The following CFAP46 variants were observed in gnomAD, a reference collection of about 807,000 sequenced individuals.
The protein encoded by CFAP46 is cilia- and flagella-associated protein 46.
Under a neutral mutation model 325.7 loss-of-function variants are expected in CFAP46, and 245 were observed. The ratio of observed to expected loss-of-function variants is 0.75; its 90% CI spans 0.68 to 0.84. The LOEUF (loss-of-function observed/expected upper bound fraction) is 0.84. Among genes scored for constraint, CFAP46 ranks in the 40% least tolerant of loss-of-function variants. CFAP46 has a pLI of 0.00. For missense variants in CFAP46, 3,346 were observed against 3,543.0 expected, an observed-to-expected ratio of 0.94 and a Z score of 1.41; for synonymous variants, 1,523 against 1,495.9, an observed-to-expected ratio of 1.02 and a Z score of -0.42.
At position 132,892,465 on chromosome 10, in the gene CFAP46, A is replaced by G. The variant is rs1387553874; in HGVS notation, c.3220-48T>C. The G allele has an allele frequency of 8.6e-6, 13 of 1,516,378 alleles. No individual in the cohort carries two copies. The African/African-American group carries it at 1.5e-4, about 18-fold the overall frequency. 93.9% of individuals were successfully genotyped at this position (1,516,378 alleles called of 1,614,324 possible). The stretch of plus-strand genomic sequence containing the variant: ...CACGTATATTTGAAAGTTGCAAGAC[A>G]GTCTTTCACCATGAGATAAGAAACT... On this transcript the variant is annotated intron_variant, in intron 24 of 57. Coordinates refer to ENST00000368586, the MANE Select transcript of CFAP46 (RefSeq NM_001200049.3).
At chr10:132,872,615 A>T in intron 32 of CFAP46, 61 bp downstream of exon 32, 1 of 1,530,688 alleles carries the variant, frequency 6.5e-7, no homozygotes. Context: ...ATACCTTAAC[A>T]TGTTGTTTAT....
Position 132,939,964 on chromosome 10 carries a change from C to T in CFAP46, c.371+1032G>A, listed in dbSNP as rs1226368991. The stretch of plus-strand genomic sequence containing the variant: ...AAGATGGTCCTGACCTCTGGCAAGG[C>T]TCTGTCACCCCCTGACCCGTCCACA... On this transcript the variant is annotated intron_variant, in intron 4 of 57. Coordinates refer to ENST00000368586, the MANE Select transcript of CFAP46 (RefSeq NM_001200049.3). This position sits in a 1 kb window ranked among gnomAD's most constrained non-coding sequence, Gnocchi z 4.6. Among the ~76,000 whole-genome samples, 1 of 152,202 alleles carries T rather than the reference C, an allele frequency of 6.6e-6. No individual in the cohort carries two copies. Among genetic ancestry groups the T allele is most frequent in the Non-Finnish European group, 1.5e-5 (1 of 68,036 alleles).
rs1003605547 is a variant in CFAP46 at position 132,877,762 on chromosome 10, C to T, written c.4212+119G>A. On this transcript the variant is annotated intron_variant, in intron 30 of 57. Coordinates refer to ENST00000368586, the MANE Select transcript of CFAP46 (RefSeq NM_001200049.3). This position sits in a 1 kb window ranked among gnomAD's most constrained non-coding sequence, Gnocchi z 5.7. The stretch of plus-strand genomic sequence containing the variant: ...AGGGAAACTGAGGCACAGGCCATCC[C>T]GGGCCCGGCCTCTGCACTGAGGCCG... 13 of 1,041,184 alleles carry T rather than the reference C, an allele frequency of 1.2e-5. No homozygotes were observed. The highest frequency in any genetic ancestry group is 3.2e-4 in the Middle Eastern group (1 of 3,170). The allele number at this position is 1,041,184 out of a possible 1,614,324, so 64.5% of individuals were successfully genotyped here.
Position 132,909,955 on chromosome 10 carries a change from C to A in CFAP46, c.2613G>T (p.Gln871His). 1 of 1,528,460 alleles carries A rather than the reference C, an allele frequency of 6.5e-7. No individual in the cohort carries two copies. The highest frequency in any genetic ancestry group is 1.2e-5 in the South Asian group (1 of 82,244). 94.7% of individuals were successfully genotyped at this position (1,528,460 alleles called of 1,614,324 possible). The change falls in exon 20 of 58, where the codon CAG becomes CAT. Residue 871 changes from glutamine (Q) to histidine (H), a missense_variant. Coordinates refer to ENST00000368586, the MANE Select transcript of CFAP46 (RefSeq NM_001200049.3). ...TGCCCAGCCGTGGCCCAATCTGCTG[C>A]TGCAGCAGCTGCTTGGCCTTGACCC... Reference protein sequence around the residue: ...ATWVKAKQLLQQQIGPRLGTE... With the variant: ...ATWVKAKQLLHQQIGPRLGTE...
intron 10 of CFAP46, among the ~76,000 whole-genome samples, chr10:132,925,891 G>A (rs1385281301): frequency 6.6e-6 from 1 of 152,216 alleles, no homozygotes; most frequent in African/African-American, 2.4e-5. Flanking sequence ...GTACCCAGCG[G>A]AGCCTCGCAC....
chr10:132,928,727 T>C (rs1849847231), intron 9 of CFAP46, among the ~76,000 whole-genome samples: 1 of 152,216 alleles, frequency 6.6e-6, no homozygotes, highest in Non-Finnish European at 1.5e-5. Context: ...CTTCACTCTC[T>C]GTGTGTAAAG....
chr10:132,930,625 C>T (rs1320812916), intron 8 of CFAP46, among the ~76,000 whole-genome samples: 9 of 95,000 alleles, frequency 9.5e-5, no homozygotes, highest in East Asian at 4.0e-4. Flanking sequence ...GCCTGGGCCT[C>T]CCTCCTCTCC....
At chr10:132,816,897 C>T (rs1046372929) in intron 50 of CFAP46, among the ~76,000 whole-genome samples, 2 of 152,196 alleles carry the variant, frequency 1.3e-5, no homozygotes, top group Admixed American at 6.5e-5. Flanking sequence ...GCCTCAGATG[C>T]GGGCCGTCTG....
Position 132,913,160 on chromosome 10 carries a change from G to T in CFAP46, c.2219C>A (p.Ala740Asp). Residue 740 changes from alanine to aspartate, a missense_variant, in exon 18 of 58, where the codon GCC becomes GAC. Physicochemically the swap from Ala to Asp is moderately radical, Grantham distance 126. Coordinates refer to ENST00000368586, the MANE Select transcript of CFAP46 (RefSeq NM_001200049.3). The part of the protein sequence containing the change: ...EIQEAWIVQN[A>D]VVYVLNHNHH... Reference sequence around the variant, plus strand: ...GTTGTGGTTCAGGACGTAGACCACGGCGTTCTGCACAATCCACGCCTCCTG... The same window carrying T: ...GTTGTGGTTCAGGACGTAGACCACGTCGTTCTGCACAATCCACGCCTCCTG... 1 of 1,550,458 alleles carries T rather than the reference G, an allele frequency of 6.4e-7. No homozygotes were observed. Among genetic ancestry groups the T allele is most frequent in the Non-Finnish European group, 8.7e-7 (1 of 1,147,002 alleles).
intron 50 of CFAP46, among the ~76,000 whole-genome samples, chr10:132,831,392 T>C (rs192175230): frequency 8.6e-4 from 131 of 152,280 alleles, no homozygotes; most frequent in South Asian, 6.4e-3. Flanking sequence ...TGTGGCTCCA[T>C]GGGTTTTGTC....
chr10:132,864,875 C>T (rs1470545051), intron 35 of CFAP46, among the ~76,000 whole-genome samples: 1 of 131,960 alleles, frequency 7.6e-6, no homozygotes, highest in Non-Finnish European at 1.8e-5. Context: ...CACCTGTCCC[C>T]CTGCCTGAGA....
chr10:132,871,688 G>A (rs532173401), intron 32 of CFAP46, among the ~76,000 whole-genome samples: 9 of 152,332 alleles, frequency 5.9e-5, no homozygotes, highest in East Asian at 1.9e-4. Context: ...AAACTTGAAT[G>A]GATGCGGAAT....
intron 6 of CFAP46, 74 bp from the exon 7 acceptor site, chr10:132,937,129 T>A (rs950297300): frequency 1.1e-6 from 1 of 877,342 alleles, no homozygotes; most frequent in African/African-American, 1.8e-5. Flanking sequence ...GTGTCTAGAT[T>A]TTATTTTCTC....
chr10:132,894,884 A>T (rs1849300174), intron 24 of CFAP46, among the ~76,000 whole-genome samples: 1 of 152,238 alleles, frequency 6.6e-6, no homozygotes, highest in South Asian at 2.1e-4. Flanking sequence ...AAACATTTAA[A>T]GAAGCATTAG....
At chr10:132,818,547 G>A (rs1347479196) in intron 50 of CFAP46, among the ~76,000 whole-genome samples, 2 of 152,102 alleles carry the variant, frequency 1.3e-5, no homozygotes. Flanking sequence ...CACCAGAGCA[G>A]TCGGGAAAGA....
At chr10:132,864,224 T>TGTCCCCCTGACACCTGCACACACCC in intron 35 of CFAP46, among the ~76,000 whole-genome samples, 2 of 97,616 alleles carry the variant, frequency 2.0e-5, no homozygotes, top group Non-Finnish European at 3.9e-5. Flanking sequence ...TGCACACACC[T>TGTCCCCCTGACACCTGCACACACCC]GTCCCCCTGA....
chr10:132,852,349 ACAGACG>A lies in CFAP46; in HGVS notation c.5575-1050_5575-1045del, dbSNP rs1459324938. The stretch of plus-strand genomic sequence containing the variant: ...CTTAGGAATTCTCAGATCCTGATCC[ACAGACG>A]TGGTATGTTCCTCCATTTACTTAAG... On this transcript the variant is annotated intron_variant, in intron 39 of 57. Transcript: ENST00000368586. Among the ~76,000 whole-genome samples the A allele has an allele frequency of 3.3e-4, 41 of 124,144 alleles. 1 individual carries two copies. Among genetic ancestry groups the A allele is most frequent in the African/African-American group, 9.7e-4 (33 of 34,028 alleles). 81.4% of individuals were successfully genotyped at this position (124,144 alleles called of 152,430 possible).
Position 132,851,123 on chromosome 10 carries a change from G to A in CFAP46, c.5757C>T (p.Val1919=), listed in dbSNP as rs151025096. 53 of 1,613,764 alleles carry A rather than the reference G, an allele frequency of 3.3e-5. No homozygotes were observed. The highest frequency in any genetic ancestry group is 9.3e-5 in the African/African-American group (7 of 75,048). Residue 1919 remains valine, a synonymous_variant, in exon 40 of 58, where the codon GTC becomes GTT. Transcript: ENST00000368586. ...CTGTGACCCCAGCAATTACCAGGCC[G>A]ACGGAAGTGTAGTCACTGGTGTTCT... ...YLQNTSDYTS[V]GLQWFTLKRT... is the part of the protein sequence containing the mutation.
rs542934339 is a variant in CFAP46 at position 132,899,493 on chromosome 10, G to A, written c.3056+42C>T. 3.4e-5 allele frequency: 52 copies of A among 1,512,510 alleles called. No homozygotes were observed. The East Asian group carries it at 7.1e-4, about 21-fold the overall frequency. The allele number at this position is 1,512,510 out of a possible 1,614,324, so 93.7% of individuals were successfully genotyped here. ...GTGAGCACAGGGGTCCCGCACGGCC[G>A]GGGAGGGACAGAGCCCACCCCAGCC... On this transcript the variant is annotated intron_variant, in intron 23 of 57. Transcript: ENST00000368586.
Sources: allele counts gnomAD v4.1 joint callset (sites outside exome capture counted in the v4.1 genomes callset), GRCh38; gene constraint gnomAD v4.1.1; non-coding constraint Gnocchi (gnomAD v3.1); transcripts MANE v1.5; gene names NCBI Gene and HGNC (gene_info 2026-07-23, HGNC 2026-07-21).